The following ADAMTSL3 variants were observed in gnomAD, a reference collection of about 807,000 sequenced individuals.
The protein encoded by ADAMTSL3 is ADAMTS like 3.
ADAMTSL3 carries 128 observed loss-of-function variants against 201.7 expected under a neutral mutation model. That is an observed-to-expected ratio of 0.63 (90% CI 0.55 to 0.73). The LOEUF is 0.73. ADAMTSL3 is among the 30% of genes least tolerant of loss of function. ADAMTSL3 has a pLI of 0.00. For missense variants in ADAMTSL3, 1,990 were observed against 2,119.6 expected (o/e 0.94, Z 1.20); for synonymous variants, 738 against 748.4 (o/e 0.99, Z 0.23).
At chr15:83,813,002 C>G (rs1219979627) in intron 5 of ADAMTSL3, among the ~76,000 whole-genome samples, 1 of 152,218 alleles carries the variant, frequency 6.6e-6, no homozygotes, top group Non-Finnish European at 1.5e-5. Flanking sequence ...CTCTACTACA[C>G]TGTACAAGAG....
In ADAMTSL3 at chr15:83,655,720, C is replaced by T. The variant is rs761638024; in HGVS notation, c.-33-9C>T. On this transcript the variant is annotated splice_polypyrimidine_tract_variant and intron_variant, in intron 1 of 29. Transcript: ENST00000286744. ...GCTGGTTGGTAATGAACTCTTTCCT[C>T]GTTTGTAGGCTACAACTGAGACCCG... The T allele has an allele frequency of 3.4e-5, 54 of 1,602,760 alleles. No homozygotes were observed. The South Asian group carries it at 5.7e-4, about 17-fold the overall frequency.
intron 3 of ADAMTSL3, chr15:83,739,786 G>T: frequency 1.8e-6 from 1 of 566,298 alleles, no homozygotes; most frequent in East Asian, 4.6e-5. Flanking sequence ...TCCCCATCAT[G>T]CATGAGTACA....
intron 7 of ADAMTSL3, among the ~76,000 whole-genome samples, chr15:83,847,939 A>T (rs181648976): frequency 6.8e-6 from 1 of 147,482 alleles, no homozygotes; most frequent in Admixed American, 6.8e-5. Context: ...AATAAAACCT[A>T]TTTTTTTTTT....
intron 26 of ADAMTSL3, among the ~76,000 whole-genome samples, chr15:84,023,975 G>A (rs568069457): frequency 9.9e-5 from 15 of 152,264 alleles, no homozygotes; most frequent in Non-Finnish European, 1.8e-4. Flanking sequence ...CTGATATATC[G>A]CCGGGCGCAG....
chr15:83,982,159 T>TA (rs2067394579), intron 20 of ADAMTSL3, 114 bp from the exon 21 acceptor site: 1 of 800,410 alleles, frequency 1.2e-6, no homozygotes, highest in East Asian at 2.7e-5. Flanking sequence ...TTTAAAATAG[T>TA]AAAAAAGATA....
At chr15:83,727,184 T>C (rs1445557996) in intron 3 of ADAMTSL3, among the ~76,000 whole-genome samples, 1 of 151,830 alleles carries the variant, frequency 6.6e-6, no homozygotes. Flanking sequence ...TATTGGCATA[T>C]AGTTGCTCGT....
At chr15:83,791,738 T>C (rs1198135106) in intron 4 of ADAMTSL3, among the ~76,000 whole-genome samples, 1 of 151,736 alleles carries the variant, frequency 6.6e-6, no homozygotes, top group Non-Finnish European at 1.5e-5. Context: ...CGGGCGCCTG[T>C]AGTCCCAGCT....
At chr15:83,978,070 G>A (rs904574162) in intron 20 of ADAMTSL3, among the ~76,000 whole-genome samples, 1 of 152,228 alleles carries the variant, frequency 6.6e-6, no homozygotes, top group African/African-American at 2.4e-5. Context: ...CAGGGTTCCA[G>A]CAGGGTAATA....
At chr15:83,943,218 GCTCA>G (rs2142038072) in intron 19 of ADAMTSL3, 136 bp downstream of exon 19, 2 of 984,068 alleles carry the variant, frequency 2.0e-6, no homozygotes, top group Non-Finnish European at 2.9e-6. Context: ...TTAAGGAGGT[GCTCA>G]CTCACTCTCG....
In ADAMTSL3 at chr15:83,872,844, A is replaced by C. The variant is rs879824226; in HGVS notation, c.960+1885A>C. On this transcript the variant is annotated intron_variant, in intron 9 of 29. Transcript: ENST00000286744. ...TGACACCATTTATAAAAACACACAT[A>C]AGCTGCATATTTCTATGAGTTTGTA... is the stretch of plus-strand genomic sequence containing the variant. Among the ~76,000 whole-genome samples the C allele has an allele frequency of 1.3e-4, 19 of 145,182 alleles. 2 individuals carry two copies. Among genetic ancestry groups the C allele is most frequent in the Non-Finnish European group, 2.7e-4 (18 of 66,706 alleles).
chr15:83,909,808 A>C (rs561329031), intron 15 of ADAMTSL3, among the ~76,000 whole-genome samples: 1 of 151,990 alleles, frequency 6.6e-6, no homozygotes, highest in East Asian at 1.9e-4. Context: ...TAGAGACGGA[A>C]TCTCAGCATG....
intron 3 of ADAMTSL3, among the ~76,000 whole-genome samples, chr15:83,753,266 G>T (rs2062667242): frequency 6.6e-6 from 1 of 152,110 alleles, no homozygotes; most frequent in East Asian, 1.9e-4. Flanking sequence ...TTGGGATTTT[G>T]CTCTCAGCTT....
Position 83,842,469 on chromosome 15 carries a change from C to G in ADAMTSL3, c.727+4254C>G, listed in dbSNP as rs564836818. 3.9e-5 allele frequency among the ~76,000 whole-genome samples: 6 copies of G among 152,226 alleles called. No individual in the cohort carries two copies. In the South Asian group the frequency reaches 1.0e-3, roughly 26 times the overall value. ...ATAACCTGCCCGTCTGCATGCTCCC[C>G]CTAGGGGCTTGAGCTGCTGGGCACG... On this transcript the variant is annotated intron_variant, in intron 7 of 29. Coordinates refer to ENST00000286744, the MANE Select transcript of ADAMTSL3 (RefSeq NM_207517.3).
At chr15:84,002,126 C>G (rs1403112323) in intron 23 of ADAMTSL3, among the ~76,000 whole-genome samples, 1 of 152,144 alleles carries the variant, frequency 6.6e-6, no homozygotes, top group Non-Finnish European at 1.5e-5. Context: ...ATCTCAGTTT[C>G]TCATGTGGTG....
chr15:83,859,707 C>T (rs891075221), intron 8 of ADAMTSL3, among the ~76,000 whole-genome samples: 5 of 151,974 alleles, frequency 3.3e-5, no homozygotes, highest in Non-Finnish European at 5.9e-5. Context: ...TTGGGTACCC[C>T]CAACTATTCT....
At chr15:83,812,156 T>A (rs1163547339) in intron 5 of ADAMTSL3, among the ~76,000 whole-genome samples, 1 of 152,222 alleles carries the variant, frequency 6.6e-6, no homozygotes, top group Non-Finnish European at 1.5e-5. Flanking sequence ...TTACTTGAAC[T>A]GCTTCCTGCT....
chr15:83,924,039 T>G lies in ADAMTSL3; in HGVS notation c.2117+6T>G. ...ACAGAGCCCTGTCCCCCCAGGTATGTGCTGTCTTGTGTTCCTGGTATATAC... is the reference window on the plus strand; with the variant it reads ...ACAGAGCCCTGTCCCCCCAGGTATGGGCTGTCTTGTGTTCCTGGTATATAC... On this transcript the variant is annotated splice_donor_region_variant and intron_variant, in intron 17 of 29. Coordinates refer to ENST00000286744, the MANE Select transcript of ADAMTSL3 (RefSeq NM_207517.3). The G allele has an allele frequency of 6.2e-7, 1 of 1,613,938 alleles. No homozygotes were observed. Among genetic ancestry groups the G allele is most frequent in the Non-Finnish European group, 8.5e-7 (1 of 1,179,914 alleles).
chr15:83,726,804 T>C (rs990671423), intron 3 of ADAMTSL3, among the ~76,000 whole-genome samples: 3 of 152,082 alleles, frequency 2.0e-5, no homozygotes, highest in African/African-American at 7.2e-5. Context: ...TAGTATTTTG[T>C]TGAGGATTTT....
At chr15:83,742,043 T>C (rs554989403) in intron 3 of ADAMTSL3, among the ~76,000 whole-genome samples, 2 of 152,216 alleles carry the variant, frequency 1.3e-5, no homozygotes, top group East Asian at 3.9e-4. Flanking sequence ...TATGTCTTCT[T>C]TTAAAAAACC....
Sources: gnomAD v4.1 joint callset for allele counts (sites outside exome capture counted in the v4.1 genomes callset) on GRCh38, gnomAD v4.1.1 for gene constraint, MANE v1.5 for transcripts, NCBI Gene and HGNC (gene_info 2026-07-23, HGNC 2026-07-21) for gene names.